Variants in ZDHHC24 observed in about 807,000 individuals in gnomAD.
The protein encoded by ZDHHC24 is zDHHC palmitoyltransferase 24.
A neutral mutation model predicts 23.2 loss-of-function variants in ZDHHC24; 17 were observed. That is an observed-to-expected ratio of 0.73 (90% CI 0.50 to 1.10). The LOEUF (loss-of-function observed/expected upper bound fraction) is 1.10. Among genes scored for constraint, ZDHHC24 ranks in the 50% least tolerant of loss-of-function variants. ZDHHC24 has a pLI of 0.00. For synonymous variants in ZDHHC24, 186 were observed against 194.5 expected (o/e 0.96, Z 0.36); for missense variants, 366 against 393.0 (o/e 0.93, Z 0.58).
chr11:66,544,163 C>T (rs1232799849), intron 1 of ZDHHC24, among the ~76,000 whole-genome samples, 182 bp from the exon 2 acceptor site: 1 of 152,216 alleles, frequency 6.6e-6, no homozygotes. Context: ...AGTTCTAGCA[C>T]TACAGGTCTG....
At chr11:66,529,706 AGCACCCTCCTCTT>A (rs1355590763) in intron 2 of ZDHHC24, 9 of 1,353,982 alleles carry the variant, frequency 6.6e-6, no homozygotes, top group African/African-American at 1.4e-5. Flanking sequence ...CTCCTCCTGC[AGCACCCTCCTCTT>A]GCACCCTCCC....
rs770510353 is a variant in ZDHHC24, at chr11:66,539,513, C to T, written c.*16G>A. 1 of 1,534,912 alleles carries T rather than the reference C, an allele frequency of 6.5e-7. No homozygotes were observed. The highest frequency in any genetic ancestry group is 2.1e-5 in the Admixed American group (1 of 48,506). ...CTCACCCCTTCCTCCCTGCACAGCT[C>T]TGGCTCTTCCTGGAGTCAGGAGGCT... On this transcript the variant is annotated 3_prime_UTR_variant, in exon 3 of 3. Transcript: ENST00000310442.
chr11:66,526,787 G>A (rs966335429), intron 4 of ZDHHC24: 17 of 1,614,106 alleles, frequency 1.1e-5, no homozygotes, highest in Admixed American at 1.7e-5. Flanking sequence ...CAGACACTGC[G>A]AGAGCGGGAG....
chr11:66,545,995 C>A lies in ZDHHC24; in HGVS notation c.9G>T (p.Gln3His), dbSNP rs1023250723. ...CGTCCGTGCTCCCAGCCGCCCAGGG[C>A]TGCCCCATGGCCTGGACACCCAGCT... MG[Q>H]PWAAGSTDGA... is the part of the protein sequence containing the mutation. The change falls in exon 1 of 3, where the codon CAG becomes CAT. Residue 3 changes from glutamine to histidine, a missense_variant. Transcript: ENST00000310442. The surrounding 1 kb of genome is among the most constrained non-coding windows in gnomAD (Gnocchi z 4.5). 2.2e-5 allele frequency: 31 copies of A among 1,405,512 alleles called. No homozygotes were observed. The highest frequency in any genetic ancestry group is 2.7e-5 in the Non-Finnish European group (29 of 1,092,902). 87.1% of individuals were successfully genotyped at this position (1,405,512 alleles called of 1,614,324 possible). A position where few individuals can be genotyped will look rare whatever the true frequency, so the allele number is the denominator to read the frequency against.
intron 3 of ZDHHC24, among the ~76,000 whole-genome samples, chr11:66,528,441 G>GTCCCCTC (rs1856613477): frequency 6.6e-6 from 1 of 152,150 alleles, no homozygotes; most frequent in South Asian, 2.1e-4. Context: ...GGGAAAATAA[G>GTCCCCTC]AATGAGGGGA....
intron 4 of ZDHHC24, chr11:66,526,511 C>T: frequency 9.1e-7 from 1 of 1,093,190 alleles, no homozygotes; most frequent in South Asian, 1.3e-5. Context: ...CACTTTGTTA[C>T]TTCCAGAAAC....
rs1047678733 is a variant in ZDHHC24, at chr11:66,545,497, C to T, written c.281+226G>A. On this transcript the variant is annotated intron_variant, in intron 1 of 2. Transcript: ENST00000310442. The surrounding 1 kb of genome is among the most constrained non-coding windows in gnomAD (Gnocchi z 4.5). The stretch of plus-strand genomic sequence containing the variant: ...AAATCAGGAATTTGTTCTATTGTAC[C>T]CTTCGTCCCTGTAACAAAACCTTGC... 9.9e-5 allele frequency among the ~76,000 whole-genome samples: 15 copies of T among 152,112 alleles called. No individual in the cohort carries two copies. Among genetic ancestry groups the T allele is most frequent in the African/African-American group, 3.4e-4 (14 of 41,380 alleles).
At chr11:66,526,064 C>T (rs907020942) in intron 4 of ZDHHC24, 3 of 1,531,280 alleles carry the variant, frequency 2.0e-6, no homozygotes, top group Non-Finnish European at 2.7e-6. Context: ...CTACCCATCC[C>T]CTGTCTTGCT....
chr11:66,522,334 T>C (rs577420081), intron 4 of ZDHHC24, among the ~76,000 whole-genome samples: 8 of 151,034 alleles, frequency 5.3e-5, no homozygotes, highest in Admixed American at 2.0e-4. Context: ...CCATATAAAA[T>C]GCTTTTTTTT....
chr11:66,539,452 G>T lies in ZDHHC24; in HGVS notation c.*77C>A. The T allele has an allele frequency of 6.9e-7, 1 of 1,443,928 alleles. No homozygotes were observed. 89.4% of individuals were successfully genotyped at this position (1,443,928 alleles called of 1,614,324 possible). A position where few individuals can be genotyped will look rare whatever the true frequency, so the allele number is the denominator to read the frequency against. ...CAATGCAGATGTTAAGGTCCAACCC[G>T]ACTTCCTTACTGAGTCTAGGTGTGG... On this transcript the variant is annotated 3_prime_UTR_variant, in exon 3 of 3. Coordinates refer to ENST00000310442, the MANE Select transcript of ZDHHC24 (RefSeq NM_207340.3).
At chr11:66,523,722 A>G (rs1856353608) in intron 4 of ZDHHC24, 1 of 1,611,018 alleles carries the variant, frequency 6.2e-7, no homozygotes, top group Non-Finnish European at 8.5e-7. Context: ...GTTCCCTGCC[A>G]GGGGAAGAAG....
intron 4 of ZDHHC24, among the ~76,000 whole-genome samples, chr11:66,524,645 T>A (rs151136668): frequency 6.6e-6 from 1 of 152,222 alleles, no homozygotes; most frequent in African/African-American, 2.4e-5. Context: ...GGCTCTTGAT[T>A]AAGGAATCCA....
chr11:66,526,500 G>A (rs1856499756), intron 4 of ZDHHC24: 2 of 953,564 alleles, frequency 2.1e-6, no homozygotes, highest in South Asian at 2.7e-5. Context: ...CTATTAAGAT[G>A]CACTTTGTTA....
At chr11:66,521,935 G>T (rs544104949) in intron 4 of ZDHHC24, among the ~76,000 whole-genome samples, 3 of 145,554 alleles carry the variant, frequency 2.1e-5, no homozygotes, top group African/African-American at 7.6e-5. Flanking sequence ...AAAGCAGGGG[G>T]GTGCCGGGTG....
downstream of ZDHHC24, chr11:66,531,166 C>T: frequency 2.4e-6 from 3 of 1,250,980 alleles, no homozygotes; most frequent in Non-Finnish European, 3.4e-6. Context: ...ACTCTCCCAC[C>T]ACAGACCAGG....
In ZDHHC24 at chr11:66,537,923, T is replaced by C. The variant is rs1185543819; in HGVS notation, c.*1606A>G. 5 of 107,660 alleles carry C rather than the reference T, an allele frequency of 4.6e-5. No individual in the cohort carries two copies. The highest frequency in any genetic ancestry group is 9.8e-5 in the Non-Finnish European group (5 of 51,238). The allele number at this position is 107,660 out of a possible 1,614,324, so 6.7% of individuals were successfully genotyped here. On this transcript the variant is annotated 3_prime_UTR_variant, in exon 3 of 3. Coordinates refer to ENST00000310442, the MANE Select transcript of ZDHHC24 (RefSeq NM_207340.3). ...AGCCTGGCAACAGAACAAGAGTCTG[T>C]CTCAAATAAAATAAAATAAAATAAA...
intron 4 of ZDHHC24, among the ~76,000 whole-genome samples, chr11:66,525,148 C>T (rs1220796843): frequency 3.3e-5 from 5 of 149,314 alleles, no homozygotes; most frequent in African/African-American, 5.0e-5. Flanking sequence ...TGCAGTGAGC[C>T]GAGATCGCAC....
At chr11:66,530,838 C>T (rs1024129194), downstream of ZDHHC24, 60 of 1,612,538 alleles carry the variant, frequency 3.7e-5, no homozygotes, top group African/African-American at 7.9e-4. Flanking sequence ...GCACACTGTA[C>T]TCCGTGCCCA....
At position 66,543,916 on chromosome 11, in the gene ZDHHC24, C is replaced by A; in HGVS notation, c.347G>T (p.Cys116Phe). The change falls in exon 2 of 3, where the codon TGC becomes TTC. Residue 116 changes from cysteine to phenylalanine, a missense_variant. Coordinates refer to ENST00000310442, the MANE Select transcript of ZDHHC24 (RefSeq NM_207340.3). ...GCAGTGGTGGTCCCGACGCAGGATGCAGACGCGGCAGGCAGAGCAGTGTCC... is the reference window on the plus strand; with the variant it reads ...GCAGTGGTGGTCCCGACGCAGGATGAAGACGCGGCAGGCAGAGCAGTGTCC... ...RSGHCSACRVCILRRDHHCRL... is the reference protein window; with the variant it reads ...RSGHCSACRVFILRRDHHCRL... 6.2e-7 allele frequency: 1 copy of A among 1,614,002 alleles called. No individual in the cohort carries two copies. The highest frequency in any genetic ancestry group is 8.5e-7 in the Non-Finnish European group (1 of 1,179,946).
Sources: gnomAD v4.1 joint callset for allele counts (sites outside exome capture counted in the v4.1 genomes callset) on GRCh38, gnomAD v4.1.1 for gene constraint, Gnocchi (gnomAD v3.1) non-coding constraint, MANE v1.5 for transcripts, NCBI Gene and HGNC (gene_info 2026-07-23, HGNC 2026-07-21) for gene names.